KLF13: variants seen among roughly 807,000 people sequenced by gnomAD.
KLF13 encodes the protein KLF transcription factor 13.
A neutral mutation model predicts 16.7 loss-of-function variants in KLF13; 8 were observed. That is an observed-to-expected ratio of 0.48 (90% CI 0.28 to 0.87). KLF13 has a LOEUF of 0.87. KLF13 is among the 40% of genes least tolerant of loss of function. KLF13 has a pLI of 0.10. For missense variants in KLF13, 447 were observed against 452.2 expected, an observed-to-expected ratio of 0.99 and a Z score of 0.10; for synonymous variants, 245 against 208.4, an observed-to-expected ratio of 1.18 and a Z score of -1.51.
intron 1 of KLF13, among the ~76,000 whole-genome samples, chr15:31,328,816 A>G (rs947662881): frequency 2.6e-5 from 4 of 152,276 alleles, no homozygotes; most frequent in Admixed American, 2.0e-4. Flanking sequence ...ATTTTGGTGT[A>G]AAGAATTGTA....
At chr15:31,349,468 A>C (rs2039181847) in intron 1 of KLF13, among the ~76,000 whole-genome samples, 1 of 152,156 alleles carries the variant, frequency 6.6e-6, no homozygotes, top group African/African-American at 2.4e-5. Flanking sequence ...GGACCTGGGG[A>C]TCTGGAGGGC....
intron 1 of KLF13, among the ~76,000 whole-genome samples, chr15:31,415,414 C>T (rs900342619): frequency 2.6e-5 from 4 of 152,058 alleles, no homozygotes; most frequent in African/African-American, 9.7e-5. Context: ...ATAAATTTAA[C>T]AGAATTGAAA....
At chr15:31,360,279 G>C (rs535026875) in intron 1 of KLF13, among the ~76,000 whole-genome samples, 2 of 152,350 alleles carry the variant, frequency 1.3e-5, no homozygotes, top group Admixed American at 6.5e-5. Flanking sequence ...CAGCGGGCAG[G>C]CCTGTGCCGG....
rs535733738 is a variant in KLF13, at chr15:31,374,538, G to A, written c.*2239G>A. 4 of 152,762 alleles carry A rather than the reference G, an allele frequency of 2.6e-5. No homozygotes were observed. Among genetic ancestry groups the A allele is most frequent in the Admixed American group, 2.6e-4 (4 of 15,300 alleles). 9.5% of individuals were successfully genotyped at this position (152,762 alleles called of 1,614,324 possible). A position where few individuals can be genotyped will look rare whatever the true frequency, so the allele number is the denominator to read the frequency against. On this transcript the variant is annotated 3_prime_UTR_variant, in exon 2 of 2. Coordinates refer to ENST00000307145, the MANE Select transcript of KLF13 (RefSeq NM_015995.4). ...GTCCCTCCCAAAGTTGTTTTCGTGT[G>A]AGGCAGAGAAAGCCACACTCTGAAT... is the stretch of plus-strand genomic sequence containing the variant.
downstream of KLF13, among the ~76,000 whole-genome samples, chr15:31,406,963 C>A (rs774919766): frequency 4.6e-5 from 7 of 152,150 alleles, no homozygotes; most frequent in Non-Finnish European, 1.0e-4. Flanking sequence ...ACAGAAAAAT[C>A]TCCCCATTTC....
chr15:31,340,073 C>A, intron 1 of KLF13: 1 of 701,834 alleles, frequency 1.4e-6, no homozygotes, highest in Non-Finnish European at 2.6e-6. Flanking sequence ...GTCCTGTGAG[C>A]CTCTCTGCCT....
intron 1 of KLF13, among the ~76,000 whole-genome samples, chr15:31,370,764 G>C (rs1027927130): frequency 2.6e-5 from 4 of 152,106 alleles, no homozygotes; most frequent in African/African-American, 9.7e-5. Flanking sequence ...CTTTGCTTTT[G>C]CATCAAATTT....
At chr15:31,358,067 G>A (rs959766382) in intron 1 of KLF13, among the ~76,000 whole-genome samples, 3 of 152,208 alleles carry the variant, frequency 2.0e-5, no homozygotes, top group African/African-American at 4.8e-5. Flanking sequence ...GAGGCGTGGG[G>A]AGAGATGAGG....
intron 1 of KLF13, among the ~76,000 whole-genome samples, chr15:31,351,440 C>T (rs1249682886): frequency 1.3e-5 from 2 of 149,190 alleles, no homozygotes; most frequent in Non-Finnish European, 3.0e-5. Context: ...AGGCTCATAA[C>T]CCCAAGGCAC....
intron 1 of KLF13, among the ~76,000 whole-genome samples, chr15:31,361,408 G>C (rs143592911): frequency 3.2e-4 from 49 of 152,288 alleles, no homozygotes; most frequent in East Asian, 2.7e-3. Context: ...CCTGTCTTCC[G>C]GGTTGGTAGA....
At chr15:31,406,117 A>G (rs2140997607), downstream of KLF13, among the ~76,000 whole-genome samples, 1 of 152,348 alleles carries the variant, frequency 6.6e-6, no homozygotes, top group Non-Finnish European at 1.5e-5. Flanking sequence ...CTGTAGGGCA[A>G]GAAGACAAAA....
intron 1 of KLF13, among the ~76,000 whole-genome samples, chr15:31,433,682 T>C (rs2040498097): frequency 6.6e-6 from 1 of 151,758 alleles, no homozygotes. Context: ...CCAGGGAATG[T>C]CATCTCAAAG....
At chr15:31,362,939 G>C in intron 1 of KLF13, among the ~76,000 whole-genome samples, 1 of 152,142 alleles carries the variant, frequency 6.6e-6, no homozygotes, top group East Asian at 1.9e-4. Flanking sequence ...TATTTGACAG[G>C]CCCCAGTGGA....
chr15:31,395,307 C>T (rs2140986900), intron 2 of KLF13, among the ~76,000 whole-genome samples: 1 of 152,252 alleles, frequency 6.6e-6, no homozygotes, highest in East Asian at 1.9e-4. Context: ...CTTGATAATA[C>T]TCTGTCGTAT....
At position 31,327,665 on chromosome 15, in the gene KLF13, C is replaced by T. The variant is rs780104994; in HGVS notation, c.453C>T (p.Val151=). 3 of 1,501,274 alleles carry T rather than the reference C, an allele frequency of 2.0e-6. No homozygotes were observed. The highest frequency in any genetic ancestry group is 2.4e-5 in the South Asian group (2 of 82,182). 93.0% of individuals were successfully genotyped at this position (1,501,274 alleles called of 1,614,324 possible). ...GSGEPGLRQR[V]RRGRSRADLE... Reference sequence around the variant, plus strand: ...GCGAGCCCGGCCTCAGACAAAGGGTCCGGCGGGGCCGAAGTCGCGCCGACC... The same window carrying T: ...GCGAGCCCGGCCTCAGACAAAGGGTTCGGCGGGGCCGAAGTCGCGCCGACC... The change falls in exon 1 of 2, where the codon GTC becomes GTT. Residue 151 remains valine (V), a synonymous_variant. Transcript: ENST00000307145.
rs2040170745 is a variant in KLF13, at chr15:31,409,870, ATGT to A, written n.117+16181_117+16183del. 5.3e-5 allele frequency among the ~76,000 whole-genome samples: 8 copies of A among 152,342 alleles called. No individual in the cohort carries two copies. The South Asian group carries it at 1.7e-3, about 32-fold the overall frequency. ...TACTAGCAGCCCTGCAATATAAGAA[ATGT>A]TAAAGGAATTTCTTCTGGCAGAAAA... On this transcript the variant is annotated intron_variant and non_coding_transcript_variant, in intron 1 of 1. Coordinates refer to the KLF13 transcript ENST00000558225.
intron 2 of KLF13, chr15:31,403,330 G>C (rs892352170): frequency 6.6e-6 from 1 of 152,200 alleles, no homozygotes; most frequent in Admixed American, 6.5e-5. Context: ...CTAGATGGGG[G>C]AGTAAAATCA....
At chr15:31,415,831 AT>A (rs2040248171) in intron 1 of KLF13, among the ~76,000 whole-genome samples, 1 of 152,050 alleles carries the variant, frequency 6.6e-6, no homozygotes, top group Non-Finnish European at 1.5e-5. Context: ...GACAATAAAA[AT>A]AATAGAAAAA....
intron 1 of KLF13, among the ~76,000 whole-genome samples, chr15:31,383,523 G>T (rs141481823): frequency 7.2e-5 from 11 of 152,204 alleles, no homozygotes; most frequent in Admixed American, 5.2e-4. Context: ...GGACAGGGTC[G>T]CACTCACACT....
Sources: allele counts gnomAD v4.1 joint callset (sites outside exome capture counted in the v4.1 genomes callset), GRCh38; gene constraint gnomAD v4.1.1; transcripts MANE v1.5; gene names NCBI Gene and HGNC (gene_info 2026-07-23, HGNC 2026-07-21).